Variants in MGRN1 observed in about 807,000 individuals in gnomAD.
MGRN1 encodes mahogunin ring finger 1, also known as E3 ubiquitin-protein ligase MGRN1.
Under a neutral mutation model 69.2 loss-of-function variants are expected in MGRN1, and 29 were observed. The observed-to-expected ratio is 0.42, with a 90% CI of 0.31 to 0.57. The LOEUF (loss-of-function observed/expected upper bound fraction) is 0.57. MGRN1 is among the 20% of genes least tolerant of loss of function. MGRN1 has a pLI of 0.15. For missense variants in MGRN1, 998 were observed against 796.2 expected (o/e 1.25, Z -3.05); for synonymous variants, 470 against 344.2 (o/e 1.37, Z -4.04).
chr16:4,632,872 C>T (rs546332188), intron 1 of MGRN1, among the ~76,000 whole-genome samples: 5 of 152,158 alleles, frequency 3.3e-5, no homozygotes, highest in African/African-American at 7.2e-5. Context: ...TACTTGAGCT[C>T]AGAAGTTTGA....
chr16:4,671,332 T>C (rs746932229), intron 8 of MGRN1, 59 bp from the exon 9 acceptor site: 2 of 1,556,368 alleles, frequency 1.3e-6, no homozygotes, highest in Non-Finnish European at 1.8e-6. Flanking sequence ...CAGGTGGGTA[T>C]GGAGGAGCCC....
chr16:4,655,953 C>A (rs555392668), intron 4 of MGRN1, among the ~76,000 whole-genome samples: 1 of 152,362 alleles, frequency 6.6e-6, no homozygotes, highest in South Asian at 2.1e-4. Context: ...CCGGGCCTCC[C>A]CTGTAGTGCC....
intron 8 of MGRN1, among the ~76,000 whole-genome samples, chr16:4,668,949 T>C (rs908799838): frequency 1.3e-5 from 2 of 151,958 alleles, no homozygotes; most frequent in African/African-American, 2.4e-5. Context: ...TGCACACATA[T>C]ACATAGACAC....
chr16:4,652,730 C>T lies in MGRN1; in HGVS notation c.349C>T (p.Leu117Phe), dbSNP rs201676811. Residue 117 changes from leucine (L) to phenylalanine (F), a missense_variant, in exon 4 of 17, where the codon CTC becomes TTC. Physicochemically the swap from Leu to Phe is conservative, Grantham distance 22 (BLOSUM62 0). Coordinates refer to ENST00000262370, the MANE Select transcript of MGRN1 (RefSeq NM_015246.4). Reference sequence around the variant, plus strand: ...CGAGGACGGCGACAAGCCCCGGGTGCTCTACAGCCTGGAGTTCACCTTCGA... The same window carrying T: ...CGAGGACGGCGACAAGCCCCGGGTGTTCTACAGCCTGGAGTTCACCTTCGA... ...PTEDGDKPRV[L>F]YSLEFTFDAD... The T allele has an allele frequency of 1.1e-5, 17 of 1,613,114 alleles. No homozygotes were observed. The East Asian group carries it at 1.3e-4, about 13-fold the overall frequency.
chr16:4,661,589 G>A (rs761662197), intron 5 of MGRN1, among the ~76,000 whole-genome samples: 2 of 152,218 alleles, frequency 1.3e-5, no homozygotes, highest in Non-Finnish European at 2.9e-5. Context: ...ACTTGATGCC[G>A]GCAGCCTTGA....
chr16:4,675,250 G>A (rs1479243653), intron 10 of MGRN1, among the ~76,000 whole-genome samples: 1 of 152,124 alleles, frequency 6.6e-6, no homozygotes, highest in Non-Finnish European at 1.5e-5. Context: ...TGGGATTACA[G>A]GCAGAGCCAC....
intron 1 of MGRN1, among the ~76,000 whole-genome samples, chr16:4,642,988 C>T (rs1372059921): frequency 6.6e-6 from 1 of 151,834 alleles, no homozygotes; most frequent in East Asian, 1.9e-4. Context: ...GACAGTCCCA[C>T]TCTGTCACCC....
intron 12 of MGRN1, 140 bp downstream of exon 12, chr16:4,680,237 T>C (rs1596315087): frequency 1.3e-5 from 11 of 816,724 alleles, no homozygotes; most frequent in Non-Finnish European, 2.1e-5. Flanking sequence ...AGTCCCGGCC[T>C]CCCTGCCCAG....
At position 4,648,996 on chromosome 16, in the gene MGRN1, G is replaced by A. The variant is rs535503310; in HGVS notation, c.89-1369G>A. 8.1e-4 allele frequency: 127 copies of A among 156,398 alleles called. No homozygotes were observed. The South Asian group carries it at 0.011, about 13-fold the overall frequency. 9.7% of individuals were successfully genotyped at this position (156,398 alleles called of 1,614,324 possible). A position where few individuals can be genotyped will look rare whatever the true frequency, so the allele number is the denominator to read the frequency against. On this transcript the variant is annotated intron_variant, in intron 1 of 16. Coordinates refer to ENST00000262370, the MANE Select transcript of MGRN1 (RefSeq NM_015246.4). ...GGGCTGGATCTGGGCGTCAGGTCAG[G>A]AATCCAGGGGAGAGGCCATGCTCTC...
chr16:4,688,625 G>T (rs2079389032), intron 16 of MGRN1, 171 bp from the exon 17 acceptor site: 4 of 1,398,880 alleles, frequency 2.9e-6, no homozygotes, highest in Non-Finnish European at 3.7e-6. Context: ...CAGTTAGGGA[G>T]TCCCCGGGCC....
At chr16:4,644,518 C>T (rs1473323509) in intron 1 of MGRN1, among the ~76,000 whole-genome samples, 3 of 152,018 alleles carry the variant, frequency 2.0e-5, no homozygotes, top group Non-Finnish European at 4.4e-5. Context: ...CCATTATGGT[C>T]AGGCTGGTCT....
intron 16 of MGRN1, chr16:4,686,772 C>T (rs527667410): frequency 2.5e-5 from 25 of 993,236 alleles, no homozygotes; most frequent in African/African-American, 8.7e-5. Context: ...ACCATGAGTT[C>T]GCATCGGTCC....
In MGRN1 at chr16:4,639,612, C is replaced by T. The variant is rs1054985850; in HGVS notation, c.89-10753C>T. On this transcript the variant is annotated intron_variant, in intron 1 of 16. Transcript: ENST00000262370. ...CCCAGATGCACAGCGTCTGCCCCCT[C>T]GGTGCGGGAGGATGAGGAACGCCTG... Among the ~76,000 whole-genome samples the T allele has an allele frequency of 1.4e-4, 22 of 152,300 alleles. No individual in the cohort carries two copies. In the South Asian group the frequency reaches 1.7e-3, roughly 11 times the overall value.
intron 5 of MGRN1, among the ~76,000 whole-genome samples, chr16:4,662,280 T>C (rs1040798186): frequency 3.9e-5 from 6 of 152,118 alleles, no homozygotes; most frequent in Non-Finnish European, 5.9e-5. Flanking sequence ...TTTTGGAGGC[T>C]GAGTTAGTCG....
intron 5 of MGRN1, chr16:4,658,743 G>C (rs541350313): frequency 2.0e-5 from 3 of 152,180 alleles, no homozygotes; most frequent in Non-Finnish European, 2.9e-5. Flanking sequence ...GGTGGCTCTC[G>C]CCTGTAATCC....
rs374364382 is a variant in MGRN1, at chr16:4,663,671, C to G, written c.562-1038C>G. The stretch of plus-strand genomic sequence containing the variant: ...AGCCTGATGGTGGCCGGTGGCTTTC[C>G]TGGTTGCCAGGGTATGAGCAATAGA... On this transcript the variant is annotated intron_variant, in intron 5 of 16. Coordinates refer to ENST00000262370, the MANE Select transcript of MGRN1 (RefSeq NM_015246.4). Among the ~76,000 whole-genome samples the G allele has an allele frequency of 7.2e-5, 11 of 152,278 alleles. No individual in the cohort carries two copies. In the South Asian group the frequency reaches 2.1e-3, roughly 29 times the overall value.
intron 4 of MGRN1, among the ~76,000 whole-genome samples, chr16:4,655,319 TAGAGAGAGC>T: frequency 1.3e-5 from 2 of 152,252 alleles, no homozygotes; most frequent in Middle Eastern, 6.8e-3. Context: ...CCAGAAAGGC[TAGAGAGAGC>T]AGAGAGGGTG....
intron 5 of MGRN1, among the ~76,000 whole-genome samples, chr16:4,660,374 C>T (rs796545148): frequency 3.9e-5 from 6 of 152,176 alleles, no homozygotes; most frequent in South Asian, 2.1e-4. Flanking sequence ...GTCTGCCAGC[C>T]GGGGAGTGGG....
intron 2 of MGRN1, chr16:4,651,062 T>C (rs1465138580): frequency 3.3e-5 from 5 of 151,634 alleles, no homozygotes; most frequent in Non-Finnish European, 5.9e-5. Flanking sequence ...TGAGCCGAGA[T>C]TGCACCACTA....
Sources: allele counts gnomAD v4.1 joint callset (sites outside exome capture counted in the v4.1 genomes callset), GRCh38; gene constraint gnomAD v4.1.1; transcripts MANE v1.5; gene names NCBI Gene and HGNC (gene_info 2026-07-23, HGNC 2026-07-21).